Variants in FUT9 observed in about 807,000 individuals in gnomAD.
FUT9 encodes the protein fucosyltransferase 9.
A neutral mutation model predicts 29.7 loss-of-function variants in FUT9; 15 were observed. The ratio of observed to expected loss-of-function variants is 0.51; its 90% CI spans 0.34 to 0.78. The LOEUF (loss-of-function observed/expected upper bound fraction) is 0.78, where lower values mean the gene tolerates loss of function less well. Among genes scored for constraint, FUT9 ranks in the 30% least tolerant of loss-of-function variants. FUT9 has a pLI of 0.01. For synonymous variants in FUT9, 169 were observed against 153.7 expected, an observed-to-expected ratio of 1.10 and a Z score of -0.74; for missense variants, 319 against 425.4, an observed-to-expected ratio of 0.75 and a Z score of 2.20.
chr6:96,077,980 C>A (rs1771168444), intron 1 of FUT9, among the ~76,000 whole-genome samples: 2 of 152,228 alleles, frequency 1.3e-5, no homozygotes, highest in African/African-American at 4.8e-5. Context: ...TTCTTTACAA[C>A]GTTACTTTCT....
At chr6:96,097,429 GT>G (rs1562123448) in intron 1 of FUT9, among the ~76,000 whole-genome samples, 1 of 151,914 alleles carries the variant, frequency 6.6e-6, no homozygotes, top group East Asian at 1.9e-4. Flanking sequence ...ACAAGTCAGG[GT>G]TTATTAAATA....
intron 2 of FUT9, among the ~76,000 whole-genome samples, chr6:96,125,486 A>G (rs1340684493): frequency 6.6e-6 from 1 of 152,216 alleles, no homozygotes; most frequent in Admixed American, 6.5e-5. Flanking sequence ...AAAATCTGGT[A>G]TTGTCTATGT....
chr6:96,166,123 C>A (rs1773012117), intron 2 of FUT9, among the ~76,000 whole-genome samples: 6 of 151,224 alleles, frequency 4.0e-5, no homozygotes, highest in Admixed American at 3.9e-4. Flanking sequence ...AGAGAGAGAG[C>A]ACACACACAA....
At chr6:96,073,095 G>A (rs1466433932) in intron 1 of FUT9, among the ~76,000 whole-genome samples, 1 of 152,082 alleles carries the variant, frequency 6.6e-6, no homozygotes, top group Non-Finnish European at 1.5e-5. Flanking sequence ...ATTTCTACCT[G>A]GATATAGTGG....
chr6:96,173,689 T>G (rs1773153815), intron 2 of FUT9, among the ~76,000 whole-genome samples: 1 of 152,094 alleles, frequency 6.6e-6, no homozygotes. Flanking sequence ...TTTGGCAAGA[T>G]GAAACATCTT....
intron 2 of FUT9, among the ~76,000 whole-genome samples, chr6:96,187,104 T>C (rs182790504): frequency 5.3e-4 from 80 of 152,120 alleles, no homozygotes; most frequent in African/African-American, 1.9e-3. Flanking sequence ...AGCCTAATGT[T>C]AGAAAAAAGG....
chr6:96,044,106 T>C (rs1172032845), intron 1 of FUT9, among the ~76,000 whole-genome samples: 1 of 152,194 alleles, frequency 6.6e-6, no homozygotes, highest in African/African-American at 2.4e-5. Context: ...AAAAATACCA[T>C]AGGCATTATA....
rs1467040296 is a variant in FUT9 at position 96,210,310 on chromosome 6, C to T, written c.*6075C>T. The T allele has an allele frequency of 1.2e-5, 2 of 166,920 alleles. No homozygotes were observed. Among genetic ancestry groups the T allele is most frequent in the African/African-American group, 4.8e-5 (2 of 41,418 alleles). The allele number at this position is 166,920 out of a possible 1,614,324, so 10.3% of individuals were successfully genotyped here. A position where few individuals can be genotyped will look rare whatever the true frequency, so the allele number is the denominator to read the frequency against. On this transcript the variant is annotated 3_prime_UTR_variant, in exon 3 of 3. Coordinates refer to ENST00000302103, the MANE Select transcript of FUT9 (RefSeq NM_006581.4). Reference sequence around the variant, plus strand: ...TTTCACACAAGAGCGTGGAACTCACCAGTCTTGTGACTTGGGGCAGGTTAT... The same window carrying T: ...TTTCACACAAGAGCGTGGAACTCACTAGTCTTGTGACTTGGGGCAGGTTAT...
chr6:96,044,852 T>C (rs112628239), intron 1 of FUT9, among the ~76,000 whole-genome samples: 2 of 152,230 alleles, frequency 1.3e-5, no homozygotes, highest in East Asian at 3.8e-4. Flanking sequence ...TAAGTAATGA[T>C]GACAGGCTTA....
chr6:96,065,041 A>G (rs1770939962), intron 1 of FUT9, among the ~76,000 whole-genome samples: 1 of 152,156 alleles, frequency 6.6e-6, no homozygotes, highest in South Asian at 2.1e-4. Flanking sequence ...AGAAATCTAT[A>G]TTTTTAGTAC....
chr6:96,212,181 CA>C lies in FUT9; in HGVS notation c.*7948del, dbSNP rs1475932437. On this transcript the variant is annotated 3_prime_UTR_variant, in exon 3 of 3. Coordinates refer to ENST00000302103, the MANE Select transcript of FUT9 (RefSeq NM_006581.4). The stretch of plus-strand genomic sequence containing the variant: ...ATGTGAGAAATATGGGCCAGAGTTA[CA>C]ATATCACATCTCCAGTCTCAGATTG... 2.4e-6 allele frequency: 1 copy of C among 412,462 alleles called. No individual in the cohort carries two copies. Among genetic ancestry groups the C allele is most frequent in the Non-Finnish European group, 4.4e-6 (1 of 225,632 alleles). 25.6% of individuals were successfully genotyped at this position (412,462 alleles called of 1,614,324 possible). A position where few individuals can be genotyped will look rare whatever the true frequency, so the allele number is the denominator to read the frequency against.
chr6:96,087,602 T>A (rs1018110767), intron 1 of FUT9, among the ~76,000 whole-genome samples: 13 of 152,052 alleles, frequency 8.5e-5, no homozygotes, highest in African/African-American at 3.1e-4. Flanking sequence ...CTTGACCTCA[T>A]GATCCGCCCA....
chr6:96,027,221 G>C (rs1170141355), intron 1 of FUT9, among the ~76,000 whole-genome samples: 1 of 151,534 alleles, frequency 6.6e-6, no homozygotes. Flanking sequence ...ACATTGAAGA[G>C]AGCCTCACAA....
chr6:96,195,977 G>C (rs1582302941), intron 2 of FUT9, among the ~76,000 whole-genome samples: 1 of 152,222 alleles, frequency 6.6e-6, no homozygotes. Flanking sequence ...AGATTTCTTT[G>C]TATTTTTAAG....
At chr6:96,127,505 G>A (rs1772155490) in intron 2 of FUT9, among the ~76,000 whole-genome samples, 1 of 152,104 alleles carries the variant, frequency 6.6e-6, no homozygotes, top group South Asian at 2.1e-4. Context: ...GAACATACCT[G>A]CGCATGTGTC....
chr6:96,177,389 T>C (rs767305901), intron 2 of FUT9, among the ~76,000 whole-genome samples: 6 of 152,082 alleles, frequency 3.9e-5, no homozygotes, highest in Non-Finnish European at 7.4e-5. Flanking sequence ...TTACATGTTA[T>C]GTTAAATTTC....
intron 1 of FUT9, among the ~76,000 whole-genome samples, chr6:96,071,599 A>C (rs1389958633): frequency 1.3e-5 from 2 of 152,118 alleles, no homozygotes; most frequent in African/African-American, 4.8e-5. Context: ...GAGTATAAAG[A>C]GCAATGGGCT....
intron 2 of FUT9, among the ~76,000 whole-genome samples, chr6:96,155,553 G>C (rs959800334): frequency 1.3e-5 from 2 of 151,974 alleles, no homozygotes; most frequent in African/African-American, 4.8e-5. Context: ...GGTGCCTGTA[G>C]TCCTAGCTGC....
intron 2 of FUT9, among the ~76,000 whole-genome samples, chr6:96,140,721 G>A (rs1333001933): frequency 6.6e-6 from 1 of 152,012 alleles, no homozygotes. Flanking sequence ...AGACTTATTT[G>A]CTGTCACAAG....
Sources: allele counts gnomAD v4.1 joint callset (sites outside exome capture counted in the v4.1 genomes callset), GRCh38; gene constraint gnomAD v4.1.1; transcripts MANE v1.5; gene names NCBI Gene and HGNC (gene_info 2026-07-23, HGNC 2026-07-21).